The following FRY variants were observed in gnomAD, a reference collection of about 807,000 sequenced individuals.
FRY encodes FRY microtubule binding protein.
Under a neutral mutation model 348.4 loss-of-function variants are expected in FRY, and 128 were observed. The ratio of observed to expected loss-of-function variants is 0.37; its 90% CI spans 0.32 to 0.43. The LOEUF is 0.43. Among genes scored for constraint, FRY ranks in the 20% least tolerant of loss-of-function variants. The pLI is 1.00. For missense variants in FRY, 2,736 were observed against 3,695.2 expected (o/e 0.74, Z 6.73); for synonymous variants, 1,370 against 1,374.7 (o/e 1.00, Z 0.08).
chr13:32,124,146 C>T (rs1452083677), intron 4 of FRY, 140 bp from the exon 5 acceptor site: 1 of 653,234 alleles, frequency 1.5e-6, no homozygotes, highest in Non-Finnish European at 2.7e-6. Context: ...CCAACGTTAG[C>T]ATGTATCTAC....
intron 16 of FRY, 33 bp downstream of exon 16, chr13:32,157,438 A>T (rs1881180603): frequency 1.9e-6 from 3 of 1,599,360 alleles, no homozygotes; most frequent in Non-Finnish European, 2.6e-6. Flanking sequence ...TATCAGTGAA[A>T]GATTAACCAG....
At chr13:32,252,886 G>T (rs1025927803) in intron 50 of FRY, among the ~76,000 whole-genome samples, 10 of 152,204 alleles carry the variant, frequency 6.6e-5, no homozygotes, top group Middle Eastern at 6.8e-3. Context: ...TGGGTTTTCT[G>T]CGGCTCCTGT....
chr13:32,193,591 CTT>C lies in FRY; in HGVS notation c.3592-541_3592-540del, dbSNP rs71194514. On this transcript the variant is annotated intron_variant, in intron 28 of 60. Coordinates refer to ENST00000542859, the MANE Select transcript of FRY (RefSeq NM_023037.3). ...AAAAATTGCCAATAAAGTCTTCGTC[CTT>C]TTTTTTTTTTGAGACCTAGTCTCAC... Among the ~76,000 whole-genome samples the C allele has an allele frequency of 7.7e-5, 10 of 130,274 alleles. 2 individuals carry two copies. The highest frequency in any genetic ancestry group is 1.2e-4 in the African/African-American group (4 of 34,754). 85.5% of individuals were successfully genotyped at this position (130,274 alleles called of 152,430 possible). A position where few individuals can be genotyped will look rare whatever the true frequency, so the allele number is the denominator to read the frequency against.
At chr13:32,266,615 A>C (rs1887938147) in intron 54 of FRY, among the ~76,000 whole-genome samples, 1 of 152,250 alleles carries the variant, frequency 6.6e-6, no homozygotes, top group Non-Finnish European at 1.5e-5. Context: ...CCAAGTCTAT[A>C]GAAAGGGAAT....
chr13:32,120,950 A>G (rs1198092291), intron 4 of FRY, among the ~76,000 whole-genome samples: 1 of 152,132 alleles, frequency 6.6e-6, no homozygotes, highest in East Asian at 1.9e-4. Context: ...GTGAGCCACC[A>G]TGCCCAGCCC....
chr13:32,069,813 A>G (rs1337338865), intron 1 of FRY, among the ~76,000 whole-genome samples: 1 of 152,138 alleles, frequency 6.6e-6, no homozygotes, highest in Non-Finnish European at 1.5e-5. Flanking sequence ...TGCTGCACCC[A>G]TCAACTCATC....
chr13:32,059,540 T>C (rs937712331), intron 1 of FRY, among the ~76,000 whole-genome samples: 1 of 110,304 alleles, frequency 9.1e-6, no homozygotes, highest in African/African-American at 2.8e-5. Flanking sequence ...TTCTTTTTCT[T>C]TCATCTTTTT....
intron 31 of FRY, among the ~76,000 whole-genome samples, chr13:32,206,868 A>G (rs1884384494): frequency 6.6e-6 from 1 of 152,220 alleles, no homozygotes; most frequent in African/African-American, 2.4e-5. Context: ...TGACCTAATT[A>G]TTGTAAACGG....
At chr13:32,050,392 G>T (rs1873260678) in intron 1 of FRY, among the ~76,000 whole-genome samples, 1 of 152,158 alleles carries the variant, frequency 6.6e-6, no homozygotes, top group Non-Finnish European at 1.5e-5. Flanking sequence ...AGTTCAAGAT[G>T]ATCTCTGTCA....
chr13:32,253,461 T>C (rs911925213), intron 50 of FRY, among the ~76,000 whole-genome samples: 7 of 152,228 alleles, frequency 4.6e-5, no homozygotes, highest in Non-Finnish European at 1.0e-4. Flanking sequence ...ATTAATTTTC[T>C]TTAATATCTA....
At chr13:32,067,773 A>G (rs149815652) in intron 1 of FRY, among the ~76,000 whole-genome samples, 17 of 152,340 alleles carry the variant, frequency 1.1e-4, no homozygotes, top group Non-Finnish European at 2.9e-5. Context: ...TGAGAGCCAC[A>G]TTAGAGCTTA....
chr13:32,190,895 G>A (rs1267036210), intron 28 of FRY, among the ~76,000 whole-genome samples: 2 of 152,096 alleles, frequency 1.3e-5, no homozygotes, highest in Admixed American at 6.5e-5. Context: ...GACTTCAGCA[G>A]AAACCAATAC....
intron 1 of FRY, among the ~76,000 whole-genome samples, chr13:32,064,628 T>A (rs1014626721): frequency 1.3e-5 from 2 of 152,208 alleles, no homozygotes; most frequent in Non-Finnish European, 2.9e-5. Flanking sequence ...AATTAGTGAA[T>A]GAATACTCTC....
chr13:32,149,870 A>T, intron 14 of FRY, 36 bp downstream of exon 14: 1 of 1,273,796 alleles, frequency 7.9e-7, no homozygotes, highest in Non-Finnish European at 1.2e-6. Context: ...CTAACAGAGC[A>T]TGTCTTCCGG....
At chr13:32,244,589 A>G (rs964769942) in intron 47 of FRY, among the ~76,000 whole-genome samples, 2 of 152,228 alleles carry the variant, frequency 1.3e-5, no homozygotes, top group African/African-American at 4.8e-5. Flanking sequence ...GGATTATTCA[A>G]AGGCTAAAAC....
chr13:32,212,718 T>C (rs1273924478), intron 35 of FRY, among the ~76,000 whole-genome samples: 1 of 152,222 alleles, frequency 6.6e-6, no homozygotes, highest in Admixed American at 6.5e-5. Context: ...AATTTTCGAA[T>C]CTGATAGTTG....
At chr13:32,130,050 C>T (rs1879251269) in intron 7 of FRY, among the ~76,000 whole-genome samples, 1 of 149,674 alleles carries the variant, frequency 6.7e-6, no homozygotes, top group African/African-American at 2.5e-5. Context: ...TTACCTCCCC[C>T]AGCCTTTTTT....
intron 8 of FRY, among the ~76,000 whole-genome samples, chr13:32,134,192 A>G (rs2138770465): frequency 6.6e-6 from 1 of 152,310 alleles, no homozygotes; most frequent in East Asian, 1.9e-4. Flanking sequence ...CCTTTTAAAA[A>G]AGTTGACATT....
chr13:32,273,904 C>T (rs2138591141), intron 55 of FRY, among the ~76,000 whole-genome samples: 1 of 152,216 alleles, frequency 6.6e-6, no homozygotes, highest in African/African-American at 2.4e-5. Context: ...ATCCCAAATC[C>T]AAAAATCCAA....
Sources: gnomAD v4.1 joint callset for allele counts (sites outside exome capture counted in the v4.1 genomes callset) on GRCh38, gnomAD v4.1.1 for gene constraint, MANE v1.5 for transcripts, NCBI Gene and HGNC (gene_info 2026-07-23, HGNC 2026-07-21) for gene names.